Variants in FER1L6 observed in about 807,000 individuals in gnomAD.
FER1L6 encodes fer-1 like family member 6.
A neutral mutation model predicts 219.2 loss-of-function variants in FER1L6; 177 were observed. The observed-to-expected ratio is 0.81, with a 90% CI of 0.71 to 0.91. FER1L6 has a LOEUF of 0.91. FER1L6 is among the 40% of genes least tolerant of loss of function. FER1L6 has a pLI of 0.00. For synonymous variants in FER1L6, 768 were observed against 824.3 expected, an observed-to-expected ratio of 0.93 and a Z score of 1.17; for missense variants, 2,153 against 2,259.9, an observed-to-expected ratio of 0.95 and a Z score of 0.96.
At chr8:123,888,176 A>G (rs10113709) in intron 1 of FER1L6, among the ~76,000 whole-genome samples, 15 of 151,606 alleles carry the variant, frequency 9.9e-5, no homozygotes, top group African/African-American at 3.4e-4. Flanking sequence ...GAGTGCAGTG[A>G]CACGATCTTG....
chr8:124,082,203 G>C (rs1821584120), intron 32 of FER1L6, 85 bp from the exon 33 acceptor site: 2 of 1,038,888 alleles, frequency 1.9e-6, no homozygotes, highest in East Asian at 4.8e-5. Context: ...CACATGAATA[G>C]CGGGCTAGCT....
intron 1 of FER1L6, among the ~76,000 whole-genome samples, chr8:123,879,867 A>C (rs1485921099): frequency 1.3e-5 from 2 of 152,130 alleles, no homozygotes; most frequent in Non-Finnish European, 2.9e-5. Context: ...CATCTCTTGG[A>C]TCTCAGAAGC....
chr8:123,874,295 G>T (rs1264958521), intron 1 of FER1L6, among the ~76,000 whole-genome samples: 1 of 152,144 alleles, frequency 6.6e-6, no homozygotes, highest in African/African-American at 2.4e-5. Context: ...GGGTCAGACT[G>T]CCTAGGATGG....
At chr8:123,883,676 C>T (rs536522251) in intron 1 of FER1L6, among the ~76,000 whole-genome samples, 7 of 152,268 alleles carry the variant, frequency 4.6e-5, no homozygotes, top group African/African-American at 1.7e-4. Context: ...AGTCCAAGAA[C>T]AAGGCATCGG....
rs760872799 is a variant in FER1L6, at chr8:124,094,902, C to G, written c.4559C>G (p.Thr1520Arg). 183 of 1,613,920 alleles carry G rather than the reference C, an allele frequency of 1.1e-4. No homozygotes were observed. Among genetic ancestry groups the G allele is most frequent in the Non-Finnish European group, 1.5e-4 (178 of 1,179,948 alleles). The change falls in exon 35 of 41, where the codon ACA (threonine) becomes AGA (arginine). Residue 1520 changes from threonine (T) to arginine (R), a missense_variant. By Grantham distance (71) the Thr-to-Arg change is moderately conservative (BLOSUM62 -1). Transcript: ENST00000522917. The stretch of plus-strand genomic sequence containing the variant: ...TTGTCTTTCTTTCCTGCAGATGAGA[C>G]AGTGGAGTCTTATGAACACCTGGCC... ...TIFTEEDTDE[T>R]VESYEHLALK...
chr8:123,900,118 C>T (rs1812830551), intron 1 of FER1L6, among the ~76,000 whole-genome samples: 1 of 152,184 alleles, frequency 6.6e-6, no homozygotes, highest in African/African-American at 2.4e-5. Context: ...TGATTCTACC[C>T]ATCCATGAGC....
chr8:123,994,336 C>CA (rs1817022180), intron 12 of FER1L6, among the ~76,000 whole-genome samples: 1 of 152,138 alleles, frequency 6.6e-6, no homozygotes, highest in African/African-American at 2.4e-5. Context: ...ACATGCAGGG[C>CA]AAGCAGCAGC....
rs554683817 is a variant in FER1L6 at position 123,865,717 on chromosome 8, A to G, written c.-8+13532A>G. ...TTTTTAAGCCGGTCTGAAAAGCGCA[A>G]TATTCGGGTGGGAGTGACCCGATTT... On this transcript the variant is annotated intron_variant, in intron 1 of 40. Transcript: ENST00000522917. 1.2e-3 allele frequency among the ~76,000 whole-genome samples: 177 copies of G among 151,284 alleles called. 13 individuals carry two copies. The highest frequency in any genetic ancestry group is 3.9e-3 in the African/African-American group (157 of 40,648).
chr8:123,938,608 G>A (rs1438141229), intron 1 of FER1L6, among the ~76,000 whole-genome samples: 1 of 145,498 alleles, frequency 6.9e-6, no homozygotes, highest in African/African-American at 2.6e-5. Flanking sequence ...GTGCAGTGGT[G>A]CGATCTTGGC....
At chr8:123,907,891 C>T (rs545398847) in intron 1 of FER1L6, among the ~76,000 whole-genome samples, 6 of 152,010 alleles carry the variant, frequency 3.9e-5, no homozygotes, top group South Asian at 2.1e-4. Context: ...CTGCACCACA[C>T]AGCACACATG....
chr8:124,079,357 T>TA (rs1453400644), intron 32 of FER1L6, among the ~76,000 whole-genome samples: 1 of 152,212 alleles, frequency 6.6e-6, no homozygotes, highest in Non-Finnish European at 1.5e-5. Context: ...ATTATGAGAT[T>TA]ATTGTTTTTG....
At chr8:124,015,616 T>TATATATATATATATATGTATATA in intron 15 of FER1L6, among the ~76,000 whole-genome samples, 1 of 128,608 alleles carries the variant, frequency 7.8e-6, no homozygotes, top group Non-Finnish European at 1.7e-5. Context: ...TATATATATA[T>TATATATATATATATATGTATATA]TACTCCTGCT....
At chr8:124,015,571 C>CTATA (rs781161909) in intron 15 of FER1L6, among the ~76,000 whole-genome samples, 575 of 43,168 alleles carry the variant, frequency 0.013, 17 homozygotes, top group Admixed American at 0.023. Flanking sequence ...ATTATAAAAG[C>CTATA]TATATATATA....
At chr8:123,983,295 C>T (rs990425121) in intron 11 of FER1L6, among the ~76,000 whole-genome samples, 4 of 152,116 alleles carry the variant, frequency 2.6e-5, no homozygotes, top group African/African-American at 9.7e-5. Context: ...TGTCAACTCA[C>T]CCCCATTACC....
rs565321841 is a variant in FER1L6 at position 124,076,974 on chromosome 8, C to T, written c.4220+649C>T. Among the ~76,000 whole-genome samples, 9 of 152,318 alleles carry T rather than the reference C, an allele frequency of 5.9e-5. 1 individual carries two copies. The South Asian group carries it at 1.5e-3, about 25-fold the overall frequency. ...CATTTGTGTAAGGGGACTAGGCATT[C>T]ACCAGCTCACAGCAATCCTGCCATG... On this transcript the variant is annotated intron_variant, in intron 32 of 40. Coordinates refer to ENST00000522917, the MANE Select transcript of FER1L6 (RefSeq NM_001039112.2).
chr8:124,058,586 C>A (rs1406517611), intron 22 of FER1L6, among the ~76,000 whole-genome samples: 1 of 152,164 alleles, frequency 6.6e-6, no homozygotes, highest in Non-Finnish European at 1.5e-5. Flanking sequence ...ATTTTTCAGG[C>A]ACTTACAAAG....
chr8:124,076,688 C>T (rs1435729029), intron 32 of FER1L6, among the ~76,000 whole-genome samples: 4 of 152,126 alleles, frequency 2.6e-5, no homozygotes, highest in African/African-American at 7.2e-5. Context: ...TCATTGGATT[C>T]GGCCTTGTGC....
At chr8:123,873,816 T>C (rs528400873) in intron 1 of FER1L6, among the ~76,000 whole-genome samples, 17 of 152,316 alleles carry the variant, frequency 1.1e-4, no homozygotes, top group African/African-American at 3.4e-4. Flanking sequence ...AATAATTGTA[T>C]CCCCTCTGTA....
At chr8:123,943,364 A>C (rs2130007848) in intron 1 of FER1L6, among the ~76,000 whole-genome samples, 1 of 152,162 alleles carries the variant, frequency 6.6e-6, no homozygotes, top group Admixed American at 6.5e-5. Flanking sequence ...AATAAAACAT[A>C]TTGGCGGCCC....
Sources: gnomAD v4.1 joint callset for allele counts (sites outside exome capture counted in the v4.1 genomes callset) on GRCh38, gnomAD v4.1.1 for gene constraint, MANE v1.5 for transcripts, NCBI Gene and HGNC (gene_info 2026-07-23, HGNC 2026-07-21) for gene names.